POLA1: variants seen among roughly 807,000 people sequenced by gnomAD.
POLA1 encodes the protein DNA polymerase alpha 1, catalytic subunit, also known as DNA polymerase alpha catalytic subunit.
POLA1 carries 15 observed loss-of-function variants against 124.0 expected under a neutral mutation model. That is an observed-to-expected ratio of 0.12 (90% CI 0.08 to 0.19). The LOEUF is 0.19. Ranked by LOEUF, POLA1 falls within the 10% of genes least tolerant of loss-of-function variation. The pLI is 1.00. For synonymous variants in POLA1, 408 were observed against 389.4 expected (o/e 1.05, Z -0.56); for missense variants, 886 against 1,103.4 (o/e 0.80, Z 2.79).
intron 27 of POLA1, 105 bp downstream of exon 27, chrX:24,810,035 G>T: frequency 2.0e-6 from 1 of 495,338 alleles, no homozygotes; most frequent in Admixed American, 3.9e-5. Flanking sequence ...TTGCTTCTTA[G>T]GTTGCCTAGT....
At chrX:24,734,648 G>A (rs963972062) in intron 17 of POLA1, among the ~76,000 whole-genome samples, 1 of 111,193 alleles carries the variant, frequency 9.0e-6, no homozygotes, top group East Asian at 2.8e-4. Context: ...ACGGAGTCCC[G>A]CTTTGTTGCC....
In POLA1 at chrX:24,841,060, C is replaced by T. The variant is rs1439809065; in HGVS notation, c.3737-592C>T. On this transcript the variant is annotated intron_variant, in intron 32 of 36. Transcript: ENST00000379068. The stretch of plus-strand genomic sequence containing the variant: ...CATTTTGGCCTGTAGAATCTGTAGA[C>T]CCATTGTTTTTGCACATATTTTAAA... Among the ~76,000 whole-genome samples the T allele has an allele frequency of 2.7e-5, 3 of 112,041 alleles. No homozygotes were observed. The East Asian group carries it at 8.3e-4, about 31-fold the overall frequency.
chrX:24,893,359 A>T (rs1370373976), intron 35 of POLA1, among the ~76,000 whole-genome samples: 2 of 112,363 alleles, frequency 1.8e-5, no homozygotes, highest in African/African-American at 6.5e-5. Context: ...AGCTTCTCTT[A>T]CTGCCACATG....
chrX:24,956,718 T>G (rs1426640097), intron 36 of POLA1, among the ~76,000 whole-genome samples: 2 of 112,225 alleles, frequency 1.8e-5, no homozygotes, highest in African/African-American at 6.5e-5. Context: ...AACGCTAGAA[T>G]AGAATTTTGG....
intron 35 of POLA1, among the ~76,000 whole-genome samples, chrX:24,925,404 A>G (rs969987990): frequency 1.8e-5 from 2 of 112,033 alleles, no homozygotes; most frequent in Admixed American, 9.5e-5. Context: ...CCAACTCTTC[A>G]TACCTCAAGG....
intron 4 of POLA1, among the ~76,000 whole-genome samples, chrX:24,713,420 G>GT (rs796303584): frequency 9.2e-6 from 1 of 109,183 alleles, no homozygotes. Flanking sequence ...AGTTTTGTTT[G>GT]TTTTTTTTCT....
At chrX:24,776,324 C>A (rs1191565388) in intron 26 of POLA1, among the ~76,000 whole-genome samples, 1 of 111,850 alleles carries the variant, frequency 8.9e-6, no homozygotes, top group African/African-American at 3.2e-5. Flanking sequence ...CATGCACGGT[C>A]TTTTTAAAGG....
At chrX:24,904,503 G>C (rs763535313) in intron 35 of POLA1, among the ~76,000 whole-genome samples, 1 of 109,523 alleles carries the variant, frequency 9.1e-6, no homozygotes, top group Admixed American at 9.7e-5. Context: ...TGCAGTGAGA[G>C]TCAGCAGGAG....
chrX:24,781,320 A>G (rs2045256415), intron 26 of POLA1, among the ~76,000 whole-genome samples: 1 of 111,298 alleles, frequency 9.0e-6, no homozygotes, highest in African/African-American at 3.3e-5. Flanking sequence ...CAGTGCCTTC[A>G]GGTAGTGGCT....
chrX:24,722,268 A>T (rs1388005337), intron 10 of POLA1, among the ~76,000 whole-genome samples: 1 of 111,982 alleles, frequency 8.9e-6, no homozygotes, highest in Non-Finnish European at 1.9e-5. Context: ...CACAGTGACC[A>T]TCTCCTGGGT....
intron 36 of POLA1, among the ~76,000 whole-genome samples, chrX:24,934,945 A>G (rs2047830120): frequency 9.0e-6 from 1 of 110,694 alleles, no homozygotes; most frequent in Non-Finnish European, 1.9e-5. Flanking sequence ...TGGGTCTCAA[A>G]CTCCTGATTT....
chrX:24,760,937 A>G (rs946654694), intron 26 of POLA1, among the ~76,000 whole-genome samples: 7 of 111,471 alleles, frequency 6.3e-5, no homozygotes, highest in African/African-American at 2.0e-4. Flanking sequence ...TTTCCTTTTT[A>G]TTGTTAATTT....
chrX:24,704,535 A>T, intron 4 of POLA1, 66 bp downstream of exon 4: 3 of 712,819 alleles, frequency 4.2e-6, no homozygotes, highest in Non-Finnish European at 4.5e-6. Flanking sequence ...ATTAGAGATG[A>T]CTTGATACTC....
At chrX:24,907,561 G>A (rs755805249) in intron 35 of POLA1, among the ~76,000 whole-genome samples, 13 of 111,979 alleles carry the variant, frequency 1.2e-4, no homozygotes, top group African/African-American at 3.9e-4. Context: ...CAGAAACCCT[G>A]GAGCCAGAGG....
intron 4 of POLA1, among the ~76,000 whole-genome samples, chrX:24,707,558 A>G (rs1226908213): frequency 2.7e-5 from 3 of 112,402 alleles, no homozygotes; most frequent in Non-Finnish European, 5.6e-5. Context: ...CATTACTAGG[A>G]GCCCAGTAAG....
At chrX:24,932,125 C>G (rs1200430778) in intron 36 of POLA1, among the ~76,000 whole-genome samples, 1 of 112,655 alleles carries the variant, frequency 8.9e-6, no homozygotes, top group Non-Finnish European at 1.9e-5. Flanking sequence ...CCTCAAACCC[C>G]TGACCTCAGG....
At chrX:24,901,149 A>G (rs964233714) in intron 35 of POLA1, among the ~76,000 whole-genome samples, 7 of 111,890 alleles carry the variant, frequency 6.3e-5, no homozygotes, top group African/African-American at 1.9e-4. Flanking sequence ...TAATTATATG[A>G]CATGGCAGGT....
chrX:24,797,793 A>G lies in POLA1; in HGVS notation c.2965-12105A>G, dbSNP rs746946653. On this transcript the variant is annotated intron_variant, in intron 26 of 36. Transcript: ENST00000379068. ...CTGGGTGCAGTGACTTACACCTGTA[A>G]TCCCAGCACTTTGGGGGGCTGAGGT... Among the ~76,000 whole-genome samples, 6 of 110,722 alleles carry G rather than the reference A, an allele frequency of 5.4e-5. No homozygotes were observed. The East Asian group carries it at 1.7e-3, about 31-fold the overall frequency.
chrX:24,858,566 A>G (rs755193033), intron 34 of POLA1, among the ~76,000 whole-genome samples: 1 of 112,034 alleles, frequency 8.9e-6, no homozygotes, highest in Non-Finnish European at 1.9e-5. Flanking sequence ...AAATGGAGCA[A>G]TCCCTAGGCT....
Sources: allele counts gnomAD v4.1 joint callset (sites outside exome capture counted in the v4.1 genomes callset), GRCh38; gene constraint gnomAD v4.1.1; transcripts MANE v1.5; gene names NCBI Gene and HGNC (gene_info 2026-07-23, HGNC 2026-07-21).